Variants in DRC9 observed in about 807,000 individuals in gnomAD.
DRC9 encodes dynein regulatory complex protein 9.
At chr3:197,950,639 G>A in the DRC9 span, 3 of 465,138 alleles carry the variant, frequency 6.4e-6, no homozygotes, top group African/African-American at 3.9e-5. Flanking sequence ...CTTTTCCTGA[G>A]TGTTGCCTAC....
At chr3:197,955,616 A>C in the DRC9 span, 1 of 791,274 alleles carries the variant, frequency 1.3e-6, no homozygotes, top group South Asian at 1.4e-5. Flanking sequence ...TAGAGACTGA[A>C]GGCTATAAAA....
the DRC9 span, chr3:197,938,728 G>T: frequency 0.18 from 286,762 of 1,611,760 alleles, 29,338 homozygotes; most frequent in African/African-American, 0.45. Flanking sequence ...GATTGTTGAG[G>T]CCATTGGAAG....
the DRC9 span, among the ~76,000 whole-genome samples, chr3:197,933,740 T>C: frequency 6.6e-6 from 1 of 152,096 alleles, no homozygotes; most frequent in African/African-American, 2.4e-5. Context: ...TTCTCTAGCA[T>C]GTTGTGATAC....
the DRC9 span, among the ~76,000 whole-genome samples, chr3:197,952,164 T>G: frequency 1.3e-4 from 10 of 74,190 alleles, no homozygotes; most frequent in African/African-American, 1.4e-3. Context: ...AATTATGGGT[T>G]TTTTTTTTTT....
the DRC9 span, chr3:197,912,724 T>G: frequency 2.5e-6 from 4 of 1,613,818 alleles, no homozygotes; most frequent in Non-Finnish European, 3.4e-6. Context: ...AGTCCGGGCC[T>G]CTTCTTCGGT....
the DRC9 span, among the ~76,000 whole-genome samples, chr3:197,892,382 A>T: frequency 6.6e-6 from 1 of 152,228 alleles, no homozygotes; most frequent in Non-Finnish European, 1.5e-5. Context: ...TAGCTACTGC[A>T]GCTGTCCCCG....
the DRC9 span, among the ~76,000 whole-genome samples, chr3:197,933,262 G>A: frequency 6.6e-6 from 1 of 151,474 alleles, no homozygotes; most frequent in East Asian, 1.9e-4. Context: ...TCAACATAGT[G>A]AAACCTCGTC....
chr3:197,904,104 ATATATATTT>A, the DRC9 span, among the ~76,000 whole-genome samples: 7,819 of 49,102 alleles, frequency 0.16, 418 homozygotes, highest in South Asian at 0.25. Context: ...ATATATATAT[ATATATATTT>A]TTTTTTTTAA....
chr3:197,943,962 T>C, the DRC9 span: 1 of 1,614,174 alleles, frequency 6.2e-7, no homozygotes. Context: ...TCCTTCTTCT[T>C]CTACGGTACT....
chr3:197,954,201 G>A, the DRC9 span: 1 of 1,599,828 alleles, frequency 6.3e-7, no homozygotes, highest in Non-Finnish European at 8.6e-7. Context: ...TAGGTTCAAG[G>A]TGTTGTGCTT....
At chr3:197,928,210 T>G in the DRC9 span, among the ~76,000 whole-genome samples, 4 of 152,224 alleles carry the variant, frequency 2.6e-5, no homozygotes, top group Non-Finnish European at 5.9e-5. Context: ...CAATACACAC[T>G]ATAATTTTTT....
At chr3:197,944,926 A>T in the DRC9 span, among the ~76,000 whole-genome samples, 8 of 152,304 alleles carry the variant, frequency 5.3e-5, no homozygotes, top group South Asian at 1.2e-3. Context: ...GGCTATTCTG[A>T]TCAATTTGAA....
the DRC9 span, chr3:197,954,277 T>C: frequency 1.1e-6 from 1 of 889,258 alleles, no homozygotes; most frequent in Non-Finnish European, 1.8e-6. Flanking sequence ...AATTTGTGTA[T>C]TGCAGAACAC....
At chr3:197,949,003 A>T in the DRC9 span, among the ~76,000 whole-genome samples, 1 of 152,122 alleles carries the variant, frequency 6.6e-6, no homozygotes, top group Non-Finnish European at 1.5e-5. Context: ...AGGACCCTTA[A>T]ATAGTTCCCA....
chr3:197,923,037 T>C, the DRC9 span, among the ~76,000 whole-genome samples: 1 of 152,138 alleles, frequency 6.6e-6, no homozygotes, highest in Non-Finnish European at 1.5e-5. Flanking sequence ...CTACCTAAGG[T>C]GCTTTGTAAT....
At chr3:197,894,013 A>T in the DRC9 span, among the ~76,000 whole-genome samples, 4 of 152,360 alleles carry the variant, frequency 2.6e-5, no homozygotes, top group East Asian at 7.7e-4. Context: ...GAGATATATT[A>T]AGAAATGGAA....
chr3:197,905,480 CT>C, the DRC9 span, among the ~76,000 whole-genome samples: 1 of 152,128 alleles, frequency 6.6e-6, no homozygotes, highest in Non-Finnish European at 1.5e-5. Flanking sequence ...GGTGTGATGG[CT>C]CACACCTGTA....
At chr3:197,943,379 T>C in the DRC9 span, among the ~76,000 whole-genome samples, 684 of 152,230 alleles carry the variant, frequency 4.5e-3, 1 homozygote, top group African/African-American at 0.016. Context: ...TCTCAGATAG[T>C]TATTGTAGCC....
the DRC9 span, among the ~76,000 whole-genome samples, chr3:197,946,502 A>G: frequency 6.6e-6 from 1 of 151,920 alleles, no homozygotes; most frequent in Non-Finnish European, 1.5e-5. Flanking sequence ...TGCTATCAAG[A>G]TGTTACCCCT....
Sources: gnomAD v4.1 joint callset for allele counts (sites outside exome capture counted in the v4.1 genomes callset) on GRCh38, gnomAD v4.1.1 for gene constraint, MANE v1.5 for transcripts, NCBI Gene and HGNC (gene_info 2026-07-23, HGNC 2026-07-21) for gene names.